CHD9: variants seen among roughly 807,000 people sequenced by gnomAD.
CHD9 encodes ATP-dependent chromatin remodeler CHD9.
Under a neutral mutation model 316.1 loss-of-function variants are expected in CHD9, and 77 were observed. The observed-to-expected ratio is 0.24, with a 90% confidence interval of 0.20 to 0.29. The LOEUF (loss-of-function observed/expected upper bound fraction) is 0.29, where lower values mean the gene tolerates loss of function less well. Ranked by LOEUF, CHD9 falls within the 10% of genes least tolerant of loss-of-function variation. The pLI, the probability that CHD9 is intolerant of heterozygous loss-of-function variation, is 1.00. For synonymous variants in CHD9, 1,129 were observed against 1,158.3 expected (o/e 0.97, Z 0.51); for missense variants, 2,763 against 3,438.1 (o/e 0.80, Z 4.91).
At chr16:53,290,858 A>T (rs2054275435) in intron 27 of CHD9, among the ~76,000 whole-genome samples, 1 of 152,240 alleles carries the variant, frequency 6.6e-6, no homozygotes, top group Non-Finnish European at 1.5e-5. Context: ...TGGAATATGT[A>T]TTAAAAAATT....
At chr16:53,265,578 A>G (rs1047260233) in intron 20 of CHD9, among the ~76,000 whole-genome samples, 1 of 152,198 alleles carries the variant, frequency 6.6e-6, no homozygotes, top group Non-Finnish European at 1.5e-5. Context: ...ATAAATGGTG[A>G]TTAGGATATT....
chr16:53,186,520 C>T (rs1335409349), intron 2 of CHD9, among the ~76,000 whole-genome samples: 1 of 152,128 alleles, frequency 6.6e-6, no homozygotes, highest in Non-Finnish European at 1.5e-5. Flanking sequence ...TGATTTAATG[C>T]TGAAATAAGA....
At position 53,300,564 on chromosome 16, in the gene CHD9, G is replaced by A. The variant is rs370231605; in HGVS notation, c.5714-3156G>A. Among the ~76,000 whole-genome samples, 63 of 152,326 alleles carry A rather than the reference G, an allele frequency of 4.1e-4. 1 individual carries two copies. The South Asian group carries it at 0.013, about 31-fold the overall frequency. The stretch of plus-strand genomic sequence containing the variant: ...CTAGAAGGTGGCATGGCTTTATGAT[G>A]TCAGCTTGATTAATGCAAAAATGGC... On this transcript the variant is annotated intron_variant, in intron 30 of 38. Transcript: ENST00000447540.
intron 37 of CHD9, chr16:53,321,224 C>T: frequency 7.6e-7 from 1 of 1,324,392 alleles, no homozygotes; most frequent in Non-Finnish European, 9.9e-7. Context: ...GCTGGTAAGT[C>T]TAACTCTAGA....
At chr16:53,193,172 G>A (rs995118190) in intron 2 of CHD9, among the ~76,000 whole-genome samples, 26 of 152,170 alleles carry the variant, frequency 1.7e-4, no homozygotes, top group African/African-American at 5.8e-4. Context: ...CCATCCGGCC[G>A]GGCACGGTGG....
chr16:53,154,822 G>A (rs2041392962), intron 1 of CHD9, among the ~76,000 whole-genome samples: 1 of 152,072 alleles, frequency 6.6e-6, no homozygotes, highest in Middle Eastern at 3.2e-3. Context: ...CTGGGGTTTC[G>A]GGACCCCTGT....
At chr16:53,208,785 G>A in intron 2 of CHD9, 1 of 782,372 alleles carries the variant, frequency 1.3e-6, no homozygotes, top group Non-Finnish European at 1.6e-6. Context: ...TTTTTAAAAT[G>A]CTCTTGATCT....
chr16:53,318,375 GA>G, intron 37 of CHD9, 35 bp downstream of exon 37: 2 of 1,514,178 alleles, frequency 1.3e-6, no homozygotes, highest in Non-Finnish European at 9.0e-7. Flanking sequence ...CTTTTGTATT[GA>G]TTCAATATTT....
chr16:53,186,199 C>T (rs1382406480), intron 2 of CHD9, among the ~76,000 whole-genome samples: 1 of 152,196 alleles, frequency 6.6e-6, no homozygotes, highest in Non-Finnish European at 1.5e-5. Flanking sequence ...TCTGCAAAGC[C>T]ACAGGGATGG....
At position 53,108,652 on chromosome 16, in the gene CHD9, A is replaced by G. The variant is rs2037572133; in HGVS notation, c.-164-47274A>G. Among the ~76,000 whole-genome samples the G allele has an allele frequency of 2.0e-5, 3 of 152,234 alleles. No homozygotes were observed. The South Asian group carries it at 6.2e-4, about 32-fold the overall frequency. On this transcript the variant is annotated intron_variant, in intron 1 of 38. Transcript: ENST00000447540. ...CTCTTTGGGAGACCAAGGCGGGCAG[A>G]TCACCTGAGATCAGGAGTTTGAGAT...
intron 5 of CHD9, 34 bp from the exon 6 acceptor site, chr16:53,227,362 T>C: frequency 7.2e-7 from 1 of 1,390,140 alleles, no homozygotes; most frequent in Non-Finnish European, 9.9e-7. Flanking sequence ...TTTCAGAATG[T>C]GTTCTGTCAT....
At chr16:53,144,210 A>G (rs1035214679) in intron 1 of CHD9, among the ~76,000 whole-genome samples, 1 of 152,068 alleles carries the variant, frequency 6.6e-6, no homozygotes, top group Non-Finnish European at 1.5e-5. Context: ...TGTTTTAACT[A>G]TTTTCTTGGG....
intron 2 of CHD9, among the ~76,000 whole-genome samples, chr16:53,179,358 C>T (rs2043317011): frequency 6.6e-6 from 1 of 152,038 alleles, no homozygotes; most frequent in Admixed American, 6.5e-5. Flanking sequence ...TATCAGCTCT[C>T]TTAAAATATC....
chr16:53,074,472 G>C (rs745779311), intron 1 of CHD9, among the ~76,000 whole-genome samples: 4 of 152,348 alleles, frequency 2.6e-5, no homozygotes, highest in Non-Finnish European at 4.4e-5. Context: ...GGAAATGGCA[G>C]AGACCTTTGC....
intron 17 of CHD9, among the ~76,000 whole-genome samples, chr16:53,252,770 A>G (rs2050235267): frequency 6.6e-6 from 1 of 152,184 alleles, no homozygotes; most frequent in Non-Finnish European, 1.5e-5. Flanking sequence ...AAGAAGATAT[A>G]CAAATGGCTG....
chr16:53,151,844 A>C (rs1215637847), intron 1 of CHD9, among the ~76,000 whole-genome samples: 1 of 151,986 alleles, frequency 6.6e-6, no homozygotes, highest in African/African-American at 2.4e-5. Context: ...CTCTTTGATC[A>C]TATCTAAGAC....
intron 3 of CHD9, among the ~76,000 whole-genome samples, chr16:53,211,282 T>C (rs1325822404): frequency 6.6e-6 from 1 of 152,106 alleles, no homozygotes; most frequent in East Asian, 1.9e-4. Context: ...GAAAAAACAT[T>C]GTACATAAGA....
intron 15 of CHD9, 57 bp from the exon 16 acceptor site, chr16:53,247,236 A>G: frequency 2.4e-6 from 3 of 1,226,868 alleles, no homozygotes; most frequent in Non-Finnish European, 3.5e-6. Flanking sequence ...AAAGGAAAGC[A>G]ATTGGGAATT....
chr16:53,286,570 T>C (rs2053892231), intron 26 of CHD9, among the ~76,000 whole-genome samples: 1 of 152,188 alleles, frequency 6.6e-6, no homozygotes, highest in African/African-American at 2.4e-5. Context: ...GAGTTTTTCA[T>C]TTCTTTCATT....
Sources: gnomAD v4.1 joint callset for allele counts (sites outside exome capture counted in the v4.1 genomes callset) on GRCh38, gnomAD v4.1.1 for gene constraint, MANE v1.5 for transcripts, NCBI Gene and HGNC (gene_info 2026-07-23, HGNC 2026-07-21) for gene names.